The following ZMYND10 variants were observed in gnomAD, a reference collection of about 807,000 sequenced individuals.
ZMYND10 encodes zinc finger MYND domain-containing protein 10.
ZMYND10 carries 52 observed loss-of-function variants against 62.6 expected under a neutral mutation model. The ratio of observed to expected loss-of-function variants is 0.83; its 90% CI spans 0.67 to 1.05. ZMYND10 has a LOEUF of 1.05. ZMYND10 is among the 50% of genes least tolerant of loss of function. The pLI, the probability that ZMYND10 is intolerant of heterozygous loss-of-function variation, is 0.00. For missense variants in ZMYND10, 438 were observed against 543.3 expected (o/e 0.81, Z 1.93); for synonymous variants, 197 against 218.5 (o/e 0.90, Z 0.87).
In ZMYND10 at chr3:50,343,389, C is replaced by G; in HGVS notation, c.428G>C (p.Arg143Pro). Residue 143 changes from arginine (R) to proline (P), a missense_variant, in exon 5 of 12, where the codon CGC becomes CCC. Arg to Pro is a moderately radical substitution (Grantham distance 103). Coordinates refer to ENST00000231749, the MANE Select transcript of ZMYND10 (RefSeq NM_015896.4). ...TVLDLVDYCH[R>P]KLTLLVAQSG... is the part of the protein sequence containing the mutation. Reference sequence around the variant, plus strand: ...CTGGGCCACCAGCAGGGTCAGTTTGCGGTGGCAATAGTCTACCAAGTCCAA... The same window carrying G: ...CTGGGCCACCAGCAGGGTCAGTTTGGGGTGGCAATAGTCTACCAAGTCCAA... 1 of 1,613,584 alleles carries G rather than the reference C, an allele frequency of 6.2e-7. No individual in the cohort carries two copies. Among genetic ancestry groups the G allele is most frequent in the Non-Finnish European group, 8.5e-7 (1 of 1,179,732 alleles).
chr3:50,341,772 A>G, intron 10 of ZMYND10, 38 bp downstream of exon 10: 1 of 1,611,896 alleles, frequency 6.2e-7, no homozygotes, highest in Non-Finnish European at 8.5e-7. Flanking sequence ...TGCCTCCTGC[A>G]TCCCCTCCAC....
At position 50,342,606 on chromosome 3, in the gene ZMYND10, G is replaced by T. The variant is rs776581799; in HGVS notation, c.701-37C>A. 18 of 1,593,594 alleles carry T rather than the reference G, an allele frequency of 1.1e-5. No individual in the cohort carries two copies. In the South Asian group the frequency reaches 1.8e-4, roughly 16 times the overall value. ...AACCAGCACACTGGGTGCAGACGTTGAATTCTCTTCAAGTGAGCCAGCTGT... is the reference window on the plus strand; with the variant it reads ...AACCAGCACACTGGGTGCAGACGTTTAATTCTCTTCAAGTGAGCCAGCTGT... On this transcript the variant is annotated intron_variant, in intron 7 of 11. Transcript: ENST00000231749.
rs749375720 is a variant in ZMYND10 at position 50,341,621 on chromosome 3, C to T, written c.1200G>A (p.Glu400=). Residue 400 remains glutamate (E), a synonymous_variant, in exon 11 of 12, where the codon GAG becomes GAA. Transcript: ENST00000231749. ...GGCATCGTGAGCAGCGCTTAGAAGC[C>T]TCTGCACTGCAGTAAGCACAGCGGG... The part of the protein sequence containing the change: ...ERPRCAYCSA[E]ASKRCSRCQN... 4.3e-6 allele frequency: 7 copies of T among 1,614,164 alleles called. No individual in the cohort carries two copies. In the African/African-American group the frequency reaches 8.0e-5, roughly 18 times the overall value.
At position 50,345,537 on chromosome 3, in the gene ZMYND10, G is replaced by A. The variant is rs775130379; in HGVS notation, c.43C>T (p.Leu15=). 6 of 1,609,710 alleles carry A rather than the reference G, an allele frequency of 3.7e-6. No homozygotes were observed. The highest frequency in any genetic ancestry group is 5.1e-6 in the Non-Finnish European group (6 of 1,178,570). Residue 15 remains leucine, a synonymous_variant, in exon 1 of 12, where the codon CTG becomes TTG. Coordinates refer to ENST00000231749, the MANE Select transcript of ZMYND10 (RefSeq NM_015896.4). This position sits in a 1 kb window ranked among gnomAD's most constrained non-coding sequence, Gnocchi z 5.0. ...ELLLPGEAEV[L]VRGLRSFPLR... ...GGGAAGCTGCGCAGACCCCGCACCA[G>A]CACTTCAGCTTCCCCGGGCAGCAGC...
At position 50,342,506 on chromosome 3, in the gene ZMYND10, A is replaced by G; in HGVS notation, c.764T>C (p.Leu255Pro). The change falls in exon 8 of 12, where the codon CTG becomes CCG. Residue 255 changes from leucine (L) to proline (P), a missense_variant. Coordinates refer to ENST00000231749, the MANE Select transcript of ZMYND10 (RefSeq NM_015896.4). ...HTVAPSEQQK[L>P]SKLDGQVWIA... ...CCACACTTGCCCGTCCAACTTGCTC[A>G]GCTTTTGCTGCTCTGAGGGGGCCAC... 1 of 1,614,068 alleles carries G rather than the reference A, an allele frequency of 6.2e-7. No individual in the cohort carries two copies. Among genetic ancestry groups the G allele is most frequent in the East Asian group, 2.2e-5 (1 of 44,880 alleles).
Position 50,342,099 on chromosome 3 carries a change from G to A in ZMYND10, c.915C>T (p.Pro305=), listed in dbSNP as rs1211507160. Residue 305 remains proline (P), a synonymous_variant, in exon 9 of 12, where the codon CCC becomes CCT. Coordinates refer to ENST00000231749, the MANE Select transcript of ZMYND10 (RefSeq NM_015896.4). ...FLTDTLLDQL[P]NLAHLQSFLA... is the part of the protein sequence containing the mutation. ...GGAAACTCTGCAAGTGGGCCAGGTTGGGCAGCTGGTCCAGCAGTGTGTCTG... is the reference window on the plus strand; with the variant it reads ...GGAAACTCTGCAAGTGGGCCAGGTTAGGCAGCTGGTCCAGCAGTGTGTCTG... 1 of 1,613,660 alleles carries A rather than the reference G, an allele frequency of 6.2e-7. No individual in the cohort carries two copies. The highest frequency in any genetic ancestry group is 8.5e-7 in the Non-Finnish European group (1 of 1,179,906).
intron 2 of ZMYND10, 143 bp downstream of exon 2, chr3:50,344,981 G>T (rs961851971): frequency 2.4e-5 from 17 of 694,050 alleles, no homozygotes; most frequent in Non-Finnish European, 7.3e-6. Flanking sequence ...GATACAAAAT[G>T]AAACATGTAA....
Position 50,342,545 on chromosome 3 carries a change from C to T in ZMYND10, c.725G>A (p.Ser242Asn). The T allele has an allele frequency of 6.2e-7, 1 of 1,613,590 alleles. No individual in the cohort carries two copies. Among genetic ancestry groups the T allele is most frequent in the Non-Finnish European group, 8.5e-7 (1 of 1,179,580 alleles). The change falls in exon 8 of 12, where the codon AGC becomes AAC. Residue 242 changes from serine to asparagine, a missense_variant. By Grantham distance (46) the Ser-to-Asn change is conservative. Coordinates refer to ENST00000231749, the MANE Select transcript of ZMYND10 (RefSeq NM_015896.4). ...TGAGGGGGCCACAGTATGCCAACGG[C>T]TGCCCTCGAACTGCTGCAGCTTGCC... ...EGGKLQQFEG[S>N]RWHTVAPSEQ...
chr3:50,345,502 C>CT lies in ZMYND10; in HGVS notation c.77dup (p.Met27AspfsTer11). 6.2e-7 allele frequency: 1 copy of CT among 1,605,834 alleles called. No individual in the cohort carries two copies. The highest frequency in any genetic ancestry group is 1.1e-5 in the South Asian group (1 of 89,358). On this transcript the variant is annotated frameshift_variant, in exon 1 of 12. Coordinates refer to ENST00000231749, the MANE Select transcript of ZMYND10 (RefSeq NM_015896.4). LOFTEE classifies it high-confidence loss of function. The surrounding 1 kb of genome is among the most constrained non-coding windows in gnomAD (Gnocchi z 5.0). The stretch of plus-strand genomic sequence containing the variant: ...GGGTGCCTCACCCTTCGGAGCCCAT[C>CT]TCGCGTAGCGGGAAGCTGCGCAGAC...
Position 50,342,137 on chromosome 3 carries a change from G to A in ZMYND10, c.877C>T (p.Arg293Trp), listed in dbSNP as rs371047847. ...SFAKGRLLKL[R>W]AFLTDTLLDQ... Reference sequence around the variant, plus strand: ...AGCAGTGTGTCTGTGAGGAAGGCCCGAAGCTGCAAGGGTGTCCAGTGGAGG... The same window carrying A: ...AGCAGTGTGTCTGTGAGGAAGGCCCAAAGCTGCAAGGGTGTCCAGTGGAGG... Residue 293 changes from arginine to tryptophan, a missense_variant, in exon 9 of 12, where the codon CGG (arginine) becomes TGG (tryptophan). Physicochemically the swap from Arg to Trp is moderately radical, Grantham distance 101. Transcript: ENST00000231749. The A allele has an allele frequency of 2.5e-5, 41 of 1,609,970 alleles. No individual in the cohort carries two copies. The highest frequency in any genetic ancestry group is 1.0e-4 in the Admixed American group (6 of 59,010).
At position 50,343,510 on chromosome 3, in the gene ZMYND10, C is replaced by T. The variant is rs1575555213; in HGVS notation, c.372+53G>A. The T allele has an allele frequency of 2.5e-6, 4 of 1,614,048 alleles. No homozygotes were observed. In the Admixed American group the frequency reaches 6.7e-5, roughly 27 times the overall value. On this transcript the variant is annotated intron_variant, in intron 4 of 11. Coordinates refer to ENST00000231749, the MANE Select transcript of ZMYND10 (RefSeq NM_015896.4). ...TCCCCACACAGACACAATCTCCCTT[C>T]CTGCCAGGCCCTGACCCGGAACTGT...
chr3:50,343,763 G>T lies in ZMYND10; in HGVS notation c.289C>A (p.Pro97Thr). 4 of 1,614,190 alleles carry T rather than the reference G, an allele frequency of 2.5e-6. No homozygotes were observed. The highest frequency in any genetic ancestry group is 2.5e-6 in the Non-Finnish European group (3 of 1,180,032). The change falls in exon 3 of 12, where the codon CCC becomes ACC. Residue 97 changes from proline to threonine, a missense_variant. Coordinates refer to ENST00000231749, the MANE Select transcript of ZMYND10 (RefSeq NM_015896.4). ...PVFCRVEDFK[P>T]QNTFPIYMVV... ...ATGTAGATGGGGAAGGTGTTCTGGG[G>T]CTTGAAGTCCTCCACCCTGCAGAAC...
rs956328322 is a variant in ZMYND10 at position 50,345,628 on chromosome 3, G to T, written c.-49C>A. 3.2e-6 allele frequency: 5 copies of T among 1,547,290 alleles called. No individual in the cohort carries two copies. In the African/African-American group the frequency reaches 6.8e-5, roughly 21 times the overall value. ...CCTGGGCAGCAGCCGGGGTGGGGAT[G>T]CTGTCACATTCGGGGACGACGGACC... On this transcript the variant is annotated 5_prime_UTR_variant, in exon 1 of 12. Coordinates refer to ENST00000231749, the MANE Select transcript of ZMYND10 (RefSeq NM_015896.4). The surrounding 1 kb of genome is among the most constrained non-coding windows in gnomAD (Gnocchi z 5.0).
At position 50,342,220 on chromosome 3, in the gene ZMYND10, C is replaced by T. The variant is rs587703738; in HGVS notation, c.874-80G>A. 90 of 1,583,626 alleles carry T rather than the reference C, an allele frequency of 5.7e-5. 2 individuals are homozygous for T. In the East Asian group the frequency reaches 2.0e-3, roughly 36 times the overall value. ...AGGAAAAGGAAGGGGCTGGGTTGGG[C>T]TGAGAATGCCTGTGGGGGCCCATGT... is the stretch of plus-strand genomic sequence containing the variant. On this transcript the variant is annotated intron_variant, in intron 8 of 11. Transcript: ENST00000231749.
chr3:50,341,307 G>GCTCC lies in ZMYND10; in HGVS notation c.*102_*103insGGAG, dbSNP rs2109354318. The GCTCC allele has an allele frequency of 7.1e-7, 1 of 1,414,110 alleles. No homozygotes were observed. The highest frequency in any genetic ancestry group is 2.3e-5 in the East Asian group (1 of 43,256). 87.6% of individuals were successfully genotyped at this position (1,414,110 alleles called of 1,614,324 possible). Reference sequence around the variant, plus strand: ...CGCCCGCTCTGCTCTCCACTGCGGAGACTGGGGCTCCGGCAGAGGCTGGAC... The same window carrying GCTCC: ...CGCCCGCTCTGCTCTCCACTGCGGAGCTCCACTGGGGCTCCGGCAGAGGCTGGAC... On this transcript the variant is annotated 3_prime_UTR_variant, in exon 12 of 12. Coordinates refer to ENST00000231749, the MANE Select transcript of ZMYND10 (RefSeq NM_015896.4).
At chr3:50,341,725 C>T (rs899036192) in intron 10 of ZMYND10, 26 bp from the exon 11 acceptor site, 3 of 1,613,430 alleles carry the variant, frequency 1.9e-6, no homozygotes, top group East Asian at 2.2e-5. Flanking sequence ...GAAGGTCTGA[C>T]TGGCCCTGGA....
chr3:50,342,658 G>A, intron 7 of ZMYND10, 89 bp from the exon 8 acceptor site: 7 of 1,523,970 alleles, frequency 4.6e-6, no homozygotes, highest in Non-Finnish European at 5.3e-6. Context: ...ACCACTGCCT[G>A]GGAATGGGAG....
At chr3:50,344,548 A>G (rs1703484143) in intron 2 of ZMYND10, among the ~76,000 whole-genome samples, 1 of 149,620 alleles carries the variant, frequency 6.7e-6, no homozygotes, top group Non-Finnish European at 1.5e-5. Flanking sequence ...TGAACTCCTG[A>G]CCTCAGATGA....
At chr3:50,343,688 C>A in intron 3 of ZMYND10, 46 bp downstream of exon 3, 2 of 1,613,658 alleles carry the variant, frequency 1.2e-6, no homozygotes, top group African/African-American at 1.3e-5. Flanking sequence ...CGGTCCAGAG[C>A]CCTCTGAAGG....
Sources: gnomAD v4.1 joint callset for allele counts (sites outside exome capture counted in the v4.1 genomes callset) on GRCh38, gnomAD v4.1.1 for gene constraint, Gnocchi (gnomAD v3.1) non-coding constraint, MANE v1.5 for transcripts, NCBI Gene and HGNC (gene_info 2026-07-23, HGNC 2026-07-21) for gene names.